The following CIROZ variants were observed in gnomAD, a reference collection of about 807,000 sequenced individuals.
CIROZ encodes ciliated left-right organizer protein containing ZP-N domains.
chr1:10,957,374 G>T, the CIROZ span, among the ~76,000 whole-genome samples: 16 of 152,234 alleles, frequency 1.1e-4, no homozygotes, highest in African/African-American at 3.6e-4. Flanking sequence ...TTAAAGAGAC[G>T]GTAATTACGC....
At chr1:10,962,181 C>G in the CIROZ span, among the ~76,000 whole-genome samples, 1 of 152,056 alleles carries the variant, frequency 6.6e-6, no homozygotes, top group African/African-American at 2.4e-5. Context: ...CGTGGTGGCT[C>G]ACACCTGTAA....
At chr1:10,964,327 G>T in the CIROZ span, 2 of 1,533,956 alleles carry the variant, frequency 1.3e-6, no homozygotes, top group Non-Finnish European at 8.8e-7. Context: ...ACAGTTAATA[G>T]CCTGCAATTA....
the CIROZ span, chr1:10,955,173 T>C: frequency 6.2e-7 from 1 of 1,602,998 alleles, no homozygotes; most frequent in East Asian, 2.2e-5. Context: ...CCTCCGACTC[T>C]GGCTGGAATG....
chr1:10,965,535 G>T, the CIROZ span, among the ~76,000 whole-genome samples: 1 of 152,028 alleles, frequency 6.6e-6, no homozygotes, highest in Non-Finnish European at 1.5e-5. Flanking sequence ...ACCAGCCTGG[G>T]CAACATGGTG....
chr1:10,957,707 T>C, the CIROZ span: 6 of 1,613,952 alleles, frequency 3.7e-6, no homozygotes, highest in African/African-American at 8.0e-5. Context: ...GCTGGCGTCT[T>C]CAAGAGAAGC....
At chr1:10,946,837 C>T in the CIROZ span, 3 of 152,268 alleles carry the variant, frequency 2.0e-5, no homozygotes, top group Admixed American at 6.5e-5. Flanking sequence ...GACCTGAGGT[C>T]ATGGCACCCC....
the CIROZ span, among the ~76,000 whole-genome samples, chr1:10,967,166 A>C: frequency 2.8e-5 from 4 of 140,626 alleles, no homozygotes; most frequent in Non-Finnish European, 6.2e-5. Flanking sequence ...AAAAAAAAAA[A>C]AAAAAAACTC....
the CIROZ span, among the ~76,000 whole-genome samples, chr1:10,973,734 T>G: frequency 6.6e-6 from 1 of 152,136 alleles, no homozygotes; most frequent in Non-Finnish European, 1.5e-5. Context: ...AAACCGCAGC[T>G]GCAGATCCAG....
chr1:10,947,570 C>T, the CIROZ span: 1 of 1,110,286 alleles, frequency 9.0e-7, no homozygotes, highest in Non-Finnish European at 1.2e-6. Context: ...CCCCCAGCCC[C>T]CACCTCCAGG....
At chr1:10,979,086 G>A in the CIROZ span, among the ~76,000 whole-genome samples, 16 of 152,144 alleles carry the variant, frequency 1.1e-4, no homozygotes, top group Non-Finnish European at 2.2e-4. Flanking sequence ...CTGCTTCTCA[G>A]ATTTAAGTGA....
chr1:10,951,112 G>C, the CIROZ span, among the ~76,000 whole-genome samples: 2 of 152,136 alleles, frequency 1.3e-5, no homozygotes, highest in Non-Finnish European at 1.5e-5. Context: ...ACCCCGAGAG[G>C]CATTTCCATC....
chr1:10,959,030 G>T, the CIROZ span, among the ~76,000 whole-genome samples: 4 of 152,328 alleles, frequency 2.6e-5, no homozygotes, highest in East Asian at 7.7e-4. The surrounding 1 kb of genome is among the most constrained non-coding windows in gnomAD (Gnocchi z 4.3). Context: ...GCCAAGAGCG[G>T]GTGTGCATGG....
the CIROZ span, among the ~76,000 whole-genome samples, chr1:10,969,724 A>G: frequency 3.3e-5 from 5 of 152,222 alleles, no homozygotes; most frequent in South Asian, 8.3e-4. Context: ...AGAGGGGCGC[A>G]GATGACAAGC....
the CIROZ span, among the ~76,000 whole-genome samples, chr1:10,968,491 G>A: frequency 6.6e-6 from 1 of 152,204 alleles, no homozygotes; most frequent in African/African-American, 2.4e-5. Context: ...AGAGATCAAG[G>A]CCGTGCCTCT....
the CIROZ span, among the ~76,000 whole-genome samples, chr1:10,970,446 G>A: frequency 7.2e-5 from 11 of 152,020 alleles, no homozygotes; most frequent in East Asian, 1.2e-3. Context: ...TGGCCAACAC[G>A]GTGAAACTCC....
At chr1:10,964,109 G>T in the CIROZ span, 1 of 1,611,346 alleles carries the variant, frequency 6.2e-7, no homozygotes, top group Non-Finnish European at 8.5e-7. Flanking sequence ...CCACCTCCCA[G>T]ACCCCCCGAA....
chr1:10,955,331 G>T, the CIROZ span: 1 of 674,658 alleles, frequency 1.5e-6, no homozygotes, highest in Non-Finnish European at 2.4e-6. Context: ...GTTACTTGGT[G>T]TCCTGGTATC....
At chr1:10,951,529 A>G in the CIROZ span, among the ~76,000 whole-genome samples, 8 of 151,160 alleles carry the variant, frequency 5.3e-5, no homozygotes, top group African/African-American at 2.0e-4. Context: ...CTGGGCAACA[A>G]GAGTGAGACT....
the CIROZ span, among the ~76,000 whole-genome samples, chr1:10,973,527 A>T: frequency 6.6e-6 from 1 of 152,172 alleles, no homozygotes; most frequent in Non-Finnish European, 1.5e-5. Context: ...ATTGTCACTC[A>T]TCGCTGCTGA....
Sources: gnomAD v4.1 joint callset for allele counts (sites outside exome capture counted in the v4.1 genomes callset) on GRCh38, gnomAD v4.1.1 for gene constraint, Gnocchi (gnomAD v3.1) non-coding constraint, MANE v1.5 for transcripts, NCBI Gene and HGNC (gene_info 2026-07-23, HGNC 2026-07-21) for gene names.